GPC3: variants seen among roughly 807,000 people sequenced by gnomAD.
The protein encoded by GPC3 is glypican 3.
Under a neutral mutation model 34.4 loss-of-function variants are expected in GPC3, and 3 were observed. The ratio of observed to expected loss-of-function variants is 0.09; its 90% CI spans 0.04 to 0.23. The LOEUF (loss-of-function observed/expected upper bound fraction) is 0.23, where lower values mean the gene tolerates loss of function less well. Among genes scored for constraint, GPC3 ranks in the 10% least tolerant of loss-of-function variants. GPC3 has a pLI of 1.00. For missense variants in GPC3, 351 were observed against 445.6 expected (o/e 0.79, Z 1.91); for synonymous variants, 177 against 174.0 (o/e 1.02, Z -0.13).
At chrX:133,564,730 G>T in intron 7 of GPC3, among the ~76,000 whole-genome samples, 1 of 111,919 alleles carries the variant, frequency 8.9e-6, no homozygotes, top group Admixed American at 9.5e-5. Flanking sequence ...CACACAGTAG[G>T]TGCTGATTAA....
intron 2 of GPC3, among the ~76,000 whole-genome samples, chrX:133,765,717 T>C (rs2071838380): frequency 8.9e-6 from 1 of 111,854 alleles, no homozygotes. Context: ...GAGCACTGTG[T>C]CTGTAACTGT....
At chrX:133,580,717 G>A (rs901302474) in intron 7 of GPC3, among the ~76,000 whole-genome samples, 1 of 112,284 alleles carries the variant, frequency 8.9e-6, no homozygotes, top group Non-Finnish European at 1.9e-5. Context: ...CAGAAGCAGA[G>A]CACAGATGTT....
chrX:133,604,892 T>G (rs776140023), intron 6 of GPC3, among the ~76,000 whole-genome samples: 1 of 112,152 alleles, frequency 8.9e-6, no homozygotes, highest in South Asian at 3.7e-4. Flanking sequence ...TGTAAACACA[T>G]GCTTTACCGT....
intron 2 of GPC3, among the ~76,000 whole-genome samples, chrX:133,951,338 G>A (rs1186245649): frequency 2.7e-5 from 3 of 110,019 alleles, no homozygotes; most frequent in Non-Finnish European, 5.7e-5. Context: ...CTGACGACCC[G>A]GGCCCTCAGA....
intron 7 of GPC3, among the ~76,000 whole-genome samples, chrX:133,551,724 A>T (rs1171987471): frequency 9.0e-6 from 1 of 111,046 alleles, no homozygotes; most frequent in Non-Finnish European, 1.9e-5. Flanking sequence ...TCCTTCTTTA[A>T]TTTTCCACCA....
In GPC3 at chrX:133,796,713, T is replaced by C. The variant is rs142048322; in HGVS notation, c.338-42537A>G. Reference sequence around the variant, plus strand: ...CTAACCAACAGCTTAAGTGGTGCAATTTATAAAGTGTCAGAAATAACCTTT... The same window carrying C: ...CTAACCAACAGCTTAAGTGGTGCAACTTATAAAGTGTCAGAAATAACCTTT... On this transcript the variant is annotated intron_variant, in intron 2 of 7. Coordinates refer to ENST00000370818, the MANE Select transcript of GPC3 (RefSeq NM_004484.4). Among the ~76,000 whole-genome samples the C allele has an allele frequency of 4.4e-3, 499 of 112,224 alleles. 3 individuals are homozygous for C. The highest frequency in any genetic ancestry group is 0.016 in the African/African-American group (487 of 30,903).
intron 2 of GPC3, among the ~76,000 whole-genome samples, chrX:133,841,969 C>G (rs1363365316): frequency 8.9e-6 from 1 of 112,294 alleles, no homozygotes; most frequent in Admixed American, 9.4e-5. Context: ...CTCCTTGCTC[C>G]GCAAGCTTGC....
intron 1 of GPC3, among the ~76,000 whole-genome samples, chrX:133,965,172 C>A (rs2076458003): frequency 9.3e-6 from 1 of 107,431 alleles, no homozygotes; most frequent in Admixed American, 9.9e-5. Flanking sequence ...ATGGTGTCAC[C>A]CCCCCCCACC....
intron 2 of GPC3, among the ~76,000 whole-genome samples, chrX:133,844,084 T>C (rs1193065529): frequency 9.0e-6 from 1 of 111,490 alleles, no homozygotes; most frequent in African/African-American, 3.3e-5. Context: ...AAGTTAACCA[T>C]GGCCAGTAGA....
intron 2 of GPC3, among the ~76,000 whole-genome samples, chrX:133,777,745 A>T (rs919026515): frequency 9.0e-6 from 1 of 111,435 alleles, no homozygotes; most frequent in Non-Finnish European, 1.9e-5. Context: ...CCTACCATAG[A>T]ACTGTCAATT....
intron 6 of GPC3, among the ~76,000 whole-genome samples, chrX:133,626,398 T>G (rs1401840213): frequency 9.1e-6 from 1 of 109,616 alleles, no homozygotes; most frequent in Admixed American, 9.8e-5. Context: ...TGGGAGAAAA[T>G]TTTTACAATC....
At chrX:133,707,531 A>G (rs1404298312) in intron 3 of GPC3, among the ~76,000 whole-genome samples, 2 of 111,479 alleles carry the variant, frequency 1.8e-5, no homozygotes, top group African/African-American at 6.5e-5. Context: ...ATGAGGACCT[A>G]GTATGTACTG....
chrX:133,911,764 G>A (rs1299696131), intron 2 of GPC3, among the ~76,000 whole-genome samples: 3 of 111,666 alleles, frequency 2.7e-5, no homozygotes, highest in Non-Finnish European at 5.6e-5. Flanking sequence ...AAAAAATGAA[G>A]GAGTCACAGA....
intron 7 of GPC3, among the ~76,000 whole-genome samples, chrX:133,545,048 C>T (rs755295678): frequency 2.7e-5 from 3 of 111,520 alleles, no homozygotes; most frequent in South Asian, 3.8e-4. Context: ...CCACAGAGAT[C>T]GAAGCTCATC....
chrX:133,538,161 A>G (rs953729961), intron 7 of GPC3, among the ~76,000 whole-genome samples: 11 of 112,243 alleles, frequency 9.8e-5, no homozygotes, highest in African/African-American at 3.2e-4. Flanking sequence ...AAACAAAATA[A>G]AAAGAGAAAA....
chrX:133,696,162 T>C (rs1237281472), intron 4 of GPC3, among the ~76,000 whole-genome samples: 3 of 112,474 alleles, frequency 2.7e-5, no homozygotes, highest in East Asian at 2.8e-4. Context: ...GAAAACCTTC[T>C]GAATTACTGT....
intron 2 of GPC3, among the ~76,000 whole-genome samples, chrX:133,814,476 T>C (rs909346673): frequency 2.7e-5 from 3 of 111,372 alleles, no homozygotes; most frequent in Non-Finnish European, 5.6e-5. Context: ...TTGTTTGAGA[T>C]GCTACATTCT....
chrX:133,595,246 T>C (rs191454201), intron 7 of GPC3, among the ~76,000 whole-genome samples: 1 of 111,133 alleles, frequency 9.0e-6, no homozygotes, highest in Admixed American at 9.6e-5. Context: ...TCAGAGGCCA[T>C]GGGTGATAGG....
At chrX:133,536,353 T>G in intron 7 of GPC3, 60 bp from the exon 8 acceptor site, 1 of 858,014 alleles carries the variant, frequency 1.2e-6, no homozygotes, top group East Asian at 3.1e-5. Flanking sequence ...AGTATAACAC[T>G]ATGCACAGCT....
Sources: gnomAD v4.1 joint callset for allele counts (sites outside exome capture counted in the v4.1 genomes callset) on GRCh38, gnomAD v4.1.1 for gene constraint, MANE v1.5 for transcripts, NCBI Gene and HGNC (gene_info 2026-07-23, HGNC 2026-07-21) for gene names.